Variants in INTS6 observed in about 807,000 individuals in gnomAD.
The protein encoded by INTS6 is DEAD box protein.
A neutral mutation model predicts 104.9 loss-of-function variants in INTS6; 16 were observed. The observed-to-expected ratio is 0.15, with a 90% CI of 0.10 to 0.23. INTS6 has a LOEUF of 0.23. Ranked by LOEUF, INTS6 falls within the 10% of genes least tolerant of loss-of-function variation. The pLI is 1.00. For synonymous variants in INTS6, 324 were observed against 358.7 expected, an observed-to-expected ratio of 0.90 and a Z score of 1.09; for missense variants, 584 against 1,062.8, an observed-to-expected ratio of 0.55 and a Z score of 6.26.
chr13:51,389,547 T>TGACAGTACTAATTAAC, intron 5 of INTS6, 103 bp from the exon 6 acceptor site: 1 of 1,113,120 alleles, frequency 9.0e-7, no homozygotes, highest in Non-Finnish European at 1.2e-6. Flanking sequence ...GTGGGGTTTC[T>TGACAGTACTAATTAAC]GACAGTACTA....
At chr13:51,356,659 A>G (rs1263113847), downstream of INTS6, among the ~76,000 whole-genome samples, 4 of 152,204 alleles carry the variant, frequency 2.6e-5, no homozygotes, top group East Asian at 7.7e-4. Flanking sequence ...GTCCTCAAAC[A>G]GGACTGATCT....
chr13:51,433,819 A>T (rs983505703), intron 3 of INTS6, among the ~76,000 whole-genome samples: 1 of 152,238 alleles, frequency 6.6e-6, no homozygotes, highest in African/African-American at 2.4e-5. Context: ...GGATACCCTT[A>T]AACGGGCCTG....
intron 5 of INTS6, among the ~76,000 whole-genome samples, chr13:51,392,957 G>T (rs1295819779): frequency 6.6e-6 from 1 of 151,248 alleles, no homozygotes; most frequent in Non-Finnish European, 1.5e-5. Flanking sequence ...TACATAGAAA[G>T]AAATATATTA....
the INTS6 span, chr13:51,341,270 C>G: frequency 1.9e-6 from 3 of 1,613,822 alleles, no homozygotes; most frequent in Non-Finnish European, 2.5e-6. Flanking sequence ...GTGTCCCTCC[C>G]CCTGGAGATC....
chr13:51,394,369 C>G (rs1418465545), intron 5 of INTS6, among the ~76,000 whole-genome samples: 1 of 152,058 alleles, frequency 6.6e-6, no homozygotes, highest in Non-Finnish European at 1.5e-5. Flanking sequence ...CCCTTTTTGT[C>G]TGTGAATTTT....
At chr13:51,381,298 A>G (rs1956045523) in intron 10 of INTS6, among the ~76,000 whole-genome samples, 1 of 152,242 alleles carries the variant, frequency 6.6e-6, no homozygotes, top group South Asian at 2.1e-4. Flanking sequence ...AAGGTAGTAC[A>G]ACACTCGAGG....
chr13:51,382,914 T>C (rs1244897233), intron 9 of INTS6, among the ~76,000 whole-genome samples: 2 of 151,794 alleles, frequency 1.3e-5, no homozygotes, highest in Non-Finnish European at 2.9e-5. Flanking sequence ...CTGTCTCTAC[T>C]AAAAATAAAA....
At chr13:51,429,785 A>AAAAAAAAAAAATATATAT (rs1156333077) in intron 4 of INTS6, among the ~76,000 whole-genome samples, 1 of 92,380 alleles carries the variant, frequency 1.1e-5, no homozygotes, top group Admixed American at 1.4e-4. Context: ...AAAAAAAAAA[A>AAAAAAAAAAAATATATAT]ATATATATAT....
At chr13:51,399,707 GGT>G (rs149002451) in intron 4 of INTS6, among the ~76,000 whole-genome samples, 5 of 148,288 alleles carry the variant, frequency 3.4e-5, no homozygotes, top group Non-Finnish European at 7.6e-5. Flanking sequence ...AGCCATTGTG[GGT>G]GTGTGTGTGT....
At chr13:51,403,224 C>A (rs539942644) in intron 4 of INTS6, among the ~76,000 whole-genome samples, 21 of 152,152 alleles carry the variant, frequency 1.4e-4, no homozygotes, top group Non-Finnish European at 2.6e-4. Flanking sequence ...TAGCATACAA[C>A]CTAATTGGCT....
chr13:51,347,092 T>C, the INTS6 span: 1 of 1,608,988 alleles, frequency 6.2e-7, no homozygotes, highest in Admixed American at 1.7e-5. Context: ...TTGCTCAGCT[T>C]GTGCTTGTGA....
intron 3 of INTS6, chr13:51,440,979 C>T (rs1047247065): frequency 2.0e-5 from 3 of 152,184 alleles, no homozygotes; most frequent in African/African-American, 7.2e-5. Context: ...TACCGTAATA[C>T]TGGAGATGAT....
In INTS6 at chr13:51,361,875, C is replaced by T. The variant is rs371870716; in HGVS notation, c.*3877G>A. The T allele has an allele frequency of 5.1e-5, 83 of 1,611,654 alleles. 2 individuals carry two copies. In the African/African-American group the frequency reaches 8.6e-4, roughly 17 times the overall value. On this transcript the variant is annotated 3_prime_UTR_variant, in exon 18 of 18. Coordinates refer to ENST00000311234, the MANE Select transcript of INTS6 (RefSeq NM_012141.3). The stretch of plus-strand genomic sequence containing the variant: ...AGCAGATCGGCCATTCATCTATTTC[C>T]TGAGAGAACCTAACACAGGTATTAC...
chr13:51,392,535 A>G (rs140895975), intron 5 of INTS6, among the ~76,000 whole-genome samples: 26 of 152,344 alleles, frequency 1.7e-4, no homozygotes, highest in African/African-American at 6.3e-4. Context: ...GTTGCTTCCA[A>G]ATATATAGAG....
At position 51,367,903 on chromosome 13, in the gene INTS6, A is replaced by G. The variant is rs1955723975; in HGVS notation, c.2477-5T>C. The stretch of plus-strand genomic sequence containing the variant: ...AAGTGAAGATTCTTTCATATTCTTA[A>G]AGCAAAAGAAACAAAAAGAAAAATT... On this transcript the variant is annotated splice_polypyrimidine_tract_variant and splice_region_variant and intron_variant, in intron 16 of 17. Coordinates refer to ENST00000311234, the MANE Select transcript of INTS6 (RefSeq NM_012141.3). 3 of 1,519,670 alleles carry G rather than the reference A, an allele frequency of 2.0e-6. No homozygotes were observed. In the East Asian group the frequency reaches 7.2e-5, roughly 36 times the overall value. 94.1% of individuals were successfully genotyped at this position (1,519,670 alleles called of 1,614,324 possible). A position where few individuals can be genotyped will look rare whatever the true frequency, so the allele number is the denominator to read the frequency against.
At chr13:51,379,381 G>T in intron 11 of INTS6, 81 bp downstream of exon 11, 1 of 613,938 alleles carries the variant, frequency 1.6e-6, no homozygotes, top group Non-Finnish European at 2.8e-6. Context: ...GAACCATCAA[G>T]AACTAGCTTT....
chr13:51,370,647 T>G (rs182456969), intron 15 of INTS6, among the ~76,000 whole-genome samples: 6 of 152,180 alleles, frequency 3.9e-5, no homozygotes, highest in Admixed American at 2.0e-4. Context: ...GGTGGTGGGC[T>G]GGACAGGATA....
intron 3 of INTS6, chr13:51,441,782 T>C (rs1952801697): frequency 6.6e-6 from 1 of 151,780 alleles, no homozygotes; most frequent in African/African-American, 2.4e-5. Context: ...TATAAAATCC[T>C]GTCAACTATC....
In INTS6 at chr13:51,452,784, A is replaced by G; in HGVS notation, c.-259T>C. 1 of 1,204,318 alleles carries G rather than the reference A, an allele frequency of 8.3e-7. No homozygotes were observed. Among genetic ancestry groups the G allele is most frequent in the South Asian group, 1.8e-5 (1 of 55,212 alleles). 74.6% of individuals were successfully genotyped at this position (1,204,318 alleles called of 1,614,324 possible). The stretch of plus-strand genomic sequence containing the variant: ...TGCCTGCCCGCTGGGGCGGGCGCCC[A>G]GCCGTCTGTCTGTCGGTTCGTCCCC... On this transcript the variant is annotated 5_prime_UTR_variant, in exon 1 of 18. Coordinates refer to ENST00000311234, the MANE Select transcript of INTS6 (RefSeq NM_012141.3). The surrounding 1 kb of genome is among the most constrained non-coding windows in gnomAD (Gnocchi z 4.2).
Sources: allele counts gnomAD v4.1 joint callset (sites outside exome capture counted in the v4.1 genomes callset), GRCh38; gene constraint gnomAD v4.1.1; non-coding constraint Gnocchi (gnomAD v3.1); transcripts MANE v1.5; gene names NCBI Gene and HGNC (gene_info 2026-07-23, HGNC 2026-07-21).